Variants in ROR1 observed in about 807,000 individuals in gnomAD.
The protein encoded by ROR1 is ROR family WNT receptor 1, also known as inactive tyrosine-protein kinase transmembrane receptor ROR1.
Under a neutral mutation model 78.8 loss-of-function variants are expected in ROR1, and 19 were observed. The ratio of observed to expected loss-of-function variants is 0.24; its 90% CI spans 0.17 to 0.35. The LOEUF is 0.35. ROR1 is among the 10% of genes least tolerant of loss of function. ROR1 has a pLI of 1.00. For synonymous variants in ROR1, 386 were observed against 433.6 expected (o/e 0.89, Z 1.36); for missense variants, 917 against 1,177.8 (o/e 0.78, Z 3.24).
chr1:63,880,627 G>A (rs537313444), intron 1 of ROR1, among the ~76,000 whole-genome samples: 5 of 152,064 alleles, frequency 3.3e-5, no homozygotes, highest in Admixed American at 6.6e-5. Flanking sequence ...AAACTTACTC[G>A]TGATTTAATT....
Position 64,177,637 on chromosome 1 carries a change from C to G in ROR1, c.1596C>G (p.His532Gln). Residue 532 changes from histidine to glutamine, a missense_variant, in exon 9 of 9, where the codon CAC becomes CAG. His to Gln is a conservative substitution (Grantham distance 24, BLOSUM62 0). Coordinates refer to ENST00000371079, the MANE Select transcript of ROR1 (RefSeq NM_005012.4). Reference protein sequence around the residue: ...QEASLMAELHHPNIVCLLGAV... With the variant: ...QEASLMAELHQPNIVCLLGAV... ...CCTCCCTAATGGCAGAACTGCACCA[C>G]CCCAATATTGTCTGCCTTCTAGGTG... 6.2e-7 allele frequency: 1 copy of G among 1,614,200 alleles called. No individual in the cohort carries two copies. Among genetic ancestry groups the G allele is most frequent in the Non-Finnish European group, 8.5e-7 (1 of 1,180,032 alleles).
At chr1:63,853,307 T>G (rs1645125890) in intron 1 of ROR1, among the ~76,000 whole-genome samples, 1 of 152,228 alleles carries the variant, frequency 6.6e-6, no homozygotes, top group Non-Finnish European at 1.5e-5. Flanking sequence ...TAAGTACTAT[T>G]GTTAGCCTCG....
chr1:63,876,558 G>A (rs1053490174), intron 1 of ROR1, among the ~76,000 whole-genome samples: 5 of 151,916 alleles, frequency 3.3e-5, no homozygotes, highest in African/African-American at 1.2e-4. Flanking sequence ...TGGTCTGAAT[G>A]TTAGCCCAGA....
intron 1 of ROR1, among the ~76,000 whole-genome samples, chr1:63,860,622 A>T (rs2100344088): frequency 7.2e-6 from 1 of 139,106 alleles, no homozygotes; most frequent in East Asian, 2.0e-4. Flanking sequence ...CACACAAAAT[A>T]GCCAGGTGTG....
intron 1 of ROR1, among the ~76,000 whole-genome samples, chr1:63,954,856 C>T (rs1557580867): frequency 6.6e-6 from 1 of 152,096 alleles, no homozygotes; most frequent in African/African-American, 2.4e-5. Flanking sequence ...GTCCTGGAAC[C>T]AATCCCCCAA....
intron 2 of ROR1, among the ~76,000 whole-genome samples, chr1:64,023,303 C>T (rs1646580260): frequency 6.6e-6 from 1 of 152,128 alleles, no homozygotes; most frequent in Non-Finnish European, 1.5e-5. Flanking sequence ...CTCAGCAGCC[C>T]TCATCCTACT....
intron 1 of ROR1, among the ~76,000 whole-genome samples, chr1:63,930,398 A>G (rs970361017): frequency 3.9e-5 from 6 of 152,222 alleles, no homozygotes; most frequent in African/African-American, 1.4e-4. Context: ...CAGCAAGCAT[A>G]AAAATCATCG....
intron 1 of ROR1, among the ~76,000 whole-genome samples, chr1:63,911,202 G>A (rs1025737344): frequency 2.0e-5 from 3 of 152,208 alleles, no homozygotes; most frequent in African/African-American, 7.2e-5. Context: ...TTTGAACCTC[G>A]ACTATTACTC....
At chr1:63,960,260 G>A (rs1185548265) in intron 1 of ROR1, among the ~76,000 whole-genome samples, 1 of 152,182 alleles carries the variant, frequency 6.6e-6, no homozygotes, top group Non-Finnish European at 1.5e-5. Flanking sequence ...CTCTGGTGGG[G>A]AGATCTTTTG....
intron 1 of ROR1, among the ~76,000 whole-genome samples, chr1:63,957,244 C>G (rs1258099207): frequency 6.6e-6 from 1 of 152,160 alleles, no homozygotes; most frequent in Non-Finnish European, 1.5e-5. Context: ...TGCTCAACTG[C>G]CAGTGTTACT....
At chr1:64,009,239 C>T (rs368519718) in intron 1 of ROR1, 66 bp from the exon 2 acceptor site, 5 of 1,205,512 alleles carry the variant, frequency 4.1e-6, no homozygotes, top group Non-Finnish European at 6.2e-6. Context: ...ATGCTTCTAA[C>T]AGCCTATAAA....
chr1:63,904,407 C>T (rs1181645982), intron 1 of ROR1, among the ~76,000 whole-genome samples: 1 of 152,102 alleles, frequency 6.6e-6, no homozygotes, highest in African/African-American at 2.4e-5. Flanking sequence ...TCAGGATTTC[C>T]CCAGGATGTA....
chr1:64,123,117 G>A (rs901423623), intron 4 of ROR1, among the ~76,000 whole-genome samples: 2 of 151,952 alleles, frequency 1.3e-5, no homozygotes, highest in Non-Finnish European at 2.9e-5. Context: ...TCCTCACATG[G>A]TCTCCCATCC....
chr1:64,018,891 G>A (rs539722191), intron 2 of ROR1, among the ~76,000 whole-genome samples: 13 of 152,298 alleles, frequency 8.5e-5, no homozygotes, highest in East Asian at 7.7e-4. Context: ...ACCCGGGTTC[G>A]TTGAATCAGG....
At chr1:63,959,269 A>G (rs1646008357) in intron 1 of ROR1, among the ~76,000 whole-genome samples, 1 of 152,096 alleles carries the variant, frequency 6.6e-6, no homozygotes, top group Non-Finnish European at 1.5e-5. Flanking sequence ...CCATGATTCA[A>G]TTACGTCCCA....
At chr1:64,019,941 G>C (rs886579642) in intron 2 of ROR1, among the ~76,000 whole-genome samples, 1 of 152,152 alleles carries the variant, frequency 6.6e-6, no homozygotes, top group Non-Finnish European at 1.5e-5. Flanking sequence ...ATGCCTACAA[G>C]TGTCCTTATA....
intron 1 of ROR1, among the ~76,000 whole-genome samples, chr1:63,886,629 C>A (rs1645359343): frequency 6.6e-6 from 1 of 152,188 alleles, no homozygotes; most frequent in Non-Finnish European, 1.5e-5. Flanking sequence ...AAGGTCTCTG[C>A]ATCTTCTCCT....
chr1:63,805,069 G>T (rs1644820468), intron 1 of ROR1, among the ~76,000 whole-genome samples: 1 of 152,160 alleles, frequency 6.6e-6, no homozygotes. Flanking sequence ...TGAAAGGGAG[G>T]GTTCCTTTTC....
chr1:63,908,558 T>C (rs1353844927), intron 1 of ROR1, among the ~76,000 whole-genome samples: 1 of 152,226 alleles, frequency 6.6e-6, no homozygotes, highest in East Asian at 1.9e-4. Context: ...TGTATAGGGA[T>C]GTGTATTCAC....
Sources: allele counts gnomAD v4.1 joint callset (sites outside exome capture counted in the v4.1 genomes callset), GRCh38; gene constraint gnomAD v4.1.1; transcripts MANE v1.5; gene names NCBI Gene and HGNC (gene_info 2026-07-23, HGNC 2026-07-21).